The following KLHL1 variants were observed in gnomAD, a reference collection of about 807,000 sequenced individuals.
KLHL1 encodes kelch-like protein 1.
In KLHL1, 47 loss-of-function variants were observed where a neutral mutation model predicts 77.7. The ratio of observed to expected loss-of-function variants is 0.60; its 90% CI spans 0.48 to 0.77. The LOEUF is 0.77. Ranked by LOEUF, KLHL1 falls within the 30% of genes least tolerant of loss-of-function variation. The pLI is 0.00. For synonymous variants in KLHL1, 360 were observed against 325.2 expected (o/e 1.11, Z -1.15); for missense variants, 925 against 910.8 (o/e 1.02, Z -0.20).
In KLHL1 at chr13:70,086,588, AAAAAAGAAAGAAAGAAAGAAAG is replaced by A. The variant is rs1454360397; in HGVS notation, c.497+20593_497+20614del. Among the ~76,000 whole-genome samples the A allele has an allele frequency of 1.0e-4, 9 of 85,914 alleles. 1 individual carries two copies. The highest frequency in any genetic ancestry group is 4.4e-4 in the African/African-American group (9 of 20,434). 56.4% of individuals were successfully genotyped at this position (85,914 alleles called of 152,430 possible). ...GCTCTGTCTCAAAAAAAAAAAAAAAAAAAAAGAAAGAAAGAAAGAAAGAAAGAAAGAAAGAAAGAAAGAAAAA... is the reference window on the plus strand; with the variant it reads ...GCTCTGTCTCAAAAAAAAAAAAAAAAAAAGAAAGAAAGAAAGAAAGAAAAA... On this transcript the variant is annotated intron_variant, in intron 1 of 10. Transcript: ENST00000377844.
chr13:69,983,794 A>G (rs1351206805), intron 1 of KLHL1, among the ~76,000 whole-genome samples: 1 of 151,994 alleles, frequency 6.6e-6, no homozygotes, highest in African/African-American at 2.4e-5. Context: ...AAAGAGCTAT[A>G]CTACAACGCA....
chr13:70,038,849 C>A (rs768723103), intron 1 of KLHL1, among the ~76,000 whole-genome samples: 4 of 151,838 alleles, frequency 2.6e-5, no homozygotes, highest in African/African-American at 4.8e-5. Context: ...CCTTGGCCTC[C>A]CATAGTGCTG....
intron 1 of KLHL1, among the ~76,000 whole-genome samples, chr13:70,014,487 A>AG (rs941923214): frequency 6.6e-6 from 1 of 152,134 alleles, no homozygotes; most frequent in Admixed American, 6.5e-5. Flanking sequence ...TCAAAAGTAG[A>AG]GGGGAAAGAA....
At chr13:70,073,966 T>G (rs1013993396) in intron 1 of KLHL1, among the ~76,000 whole-genome samples, 1 of 151,844 alleles carries the variant, frequency 6.6e-6, no homozygotes, top group Non-Finnish European at 1.5e-5. Context: ...ACTGGGATTA[T>G]GGGCATGAGA....
At chr13:70,093,359 G>A (rs770821495) in intron 1 of KLHL1, among the ~76,000 whole-genome samples, 105 of 152,048 alleles carry the variant, frequency 6.9e-4, no homozygotes, top group Non-Finnish European at 1.4e-3. Flanking sequence ...AAACCAGATG[G>A]GGCATCTCTG....
At chr13:69,848,924 A>G (rs1451241388) in intron 5 of KLHL1, among the ~76,000 whole-genome samples, 3 of 151,622 alleles carry the variant, frequency 2.0e-5, no homozygotes, top group Non-Finnish European at 3.0e-5. Context: ...TTGTGATGCT[A>G]TAATTTTTGA....
chr13:69,980,652 C>T (rs753862212), intron 1 of KLHL1, among the ~76,000 whole-genome samples: 51 of 152,128 alleles, frequency 3.4e-4, no homozygotes, highest in Non-Finnish European at 6.0e-4. Context: ...TTCAGAAAGC[C>T]TTATTTTTTT....
chr13:69,950,912 C>G (rs73512624), intron 3 of KLHL1, among the ~76,000 whole-genome samples: 1 of 151,488 alleles, frequency 6.6e-6, no homozygotes, highest in Non-Finnish European at 1.5e-5. Context: ...TTGTTATATC[C>G]ACTTTTGGCT....
At chr13:70,086,726 T>G (rs1593733255) in intron 1 of KLHL1, among the ~76,000 whole-genome samples, 1 of 146,736 alleles carries the variant, frequency 6.8e-6, no homozygotes, top group African/African-American at 2.5e-5. Flanking sequence ...TTTTTTCAAA[T>G]CTTACCTCTT....
chr13:70,013,949 A>G (rs1302373961), intron 1 of KLHL1, among the ~76,000 whole-genome samples: 3 of 152,156 alleles, frequency 2.0e-5, no homozygotes, highest in Non-Finnish European at 2.9e-5. Flanking sequence ...GCAAAAATAT[A>G]CAAACAATTC....
At chr13:69,851,010 G>C (rs1285168931) in intron 5 of KLHL1, among the ~76,000 whole-genome samples, 2 of 151,512 alleles carry the variant, frequency 1.3e-5, no homozygotes, top group Non-Finnish European at 3.0e-5. Flanking sequence ...CACTGGACTA[G>C]GCCTTATCTT....
Position 70,024,620 on chromosome 13 carries a change from T to TTA in KLHL1, c.498-48819_498-48818insTA, listed in dbSNP as rs770371562. On this transcript the variant is annotated intron_variant, in intron 1 of 10. Coordinates refer to ENST00000377844, the MANE Select transcript of KLHL1 (RefSeq NM_020866.3). ...CTGGTTAGGGGTGAGGAGAAAAGAT[T>TTA]TCTCTCTCTCTCTCTCTCTCTCTCT... Among the ~76,000 whole-genome samples, 72 of 130,406 alleles carry TTA rather than the reference T, an allele frequency of 5.5e-4. 1 individual carries two copies. Among genetic ancestry groups the TTA allele is most frequent in the African/African-American group, 1.8e-3 (69 of 38,136 alleles). The allele number at this position is 130,406 out of a possible 152,430, so 85.6% of individuals were successfully genotyped here.
At chr13:69,726,440 C>T (rs551086897) in intron 8 of KLHL1, among the ~76,000 whole-genome samples, 6 of 152,206 alleles carry the variant, frequency 3.9e-5, no homozygotes, top group Non-Finnish European at 7.4e-5. Context: ...AATATTTTAA[C>T]GTGCTTTACA....
intron 4 of KLHL1, among the ~76,000 whole-genome samples, chr13:69,920,080 GA>G (rs1882583024): frequency 6.7e-6 from 1 of 149,934 alleles, no homozygotes; most frequent in African/African-American, 2.4e-5. Flanking sequence ...TTTTTCTTTG[GA>G]AAACAATTTA....
At position 69,926,676 on chromosome 13, in the gene KLHL1, G is replaced by A. The variant is rs374445869; in HGVS notation, c.1014+13364C>T. Among the ~76,000 whole-genome samples the A allele has an allele frequency of 5.9e-5, 9 of 151,980 alleles. No homozygotes were observed. In the East Asian group the frequency reaches 1.6e-3, roughly 26 times the overall value. ...AATGCCAAGAATTCAGGCCGGGCGC[G>A]GTAGCTCAAGCCTGTAATCCCAGCA... On this transcript the variant is annotated intron_variant, in intron 4 of 10. Transcript: ENST00000377844.
chr13:70,076,884 T>G (rs1210472300), intron 1 of KLHL1, among the ~76,000 whole-genome samples: 5 of 151,884 alleles, frequency 3.3e-5, no homozygotes, highest in Non-Finnish European at 7.4e-5. Context: ...AGATTCAATA[T>G]TATGTTATTA....
At chr13:69,875,038 T>C (rs1880714240) in intron 5 of KLHL1, among the ~76,000 whole-genome samples, 2 of 152,208 alleles carry the variant, frequency 1.3e-5, no homozygotes, top group African/African-American at 2.4e-5. Flanking sequence ...ACCAAAAATA[T>C]AGTGTCCTGG....
intron 9 of KLHL1, among the ~76,000 whole-genome samples, chr13:69,715,818 G>A (rs1400532806): frequency 1.3e-5 from 2 of 152,042 alleles, no homozygotes; most frequent in Admixed American, 1.3e-4. Context: ...TTTGGGGGAG[G>A]AAGGGGAAGG....
At chr13:70,004,985 A>T (rs908226930) in intron 1 of KLHL1, among the ~76,000 whole-genome samples, 24 of 151,826 alleles carry the variant, frequency 1.6e-4, no homozygotes, top group African/African-American at 5.8e-4. Flanking sequence ...AAGTAAAGCC[A>T]GTTAATGCAA....
Sources: allele counts gnomAD v4.1 joint callset (sites outside exome capture counted in the v4.1 genomes callset), GRCh38; gene constraint gnomAD v4.1.1; transcripts MANE v1.5; gene names NCBI Gene and HGNC (gene_info 2026-07-23, HGNC 2026-07-21).